Variants in RUBCN observed in about 807,000 individuals in gnomAD.
The protein encoded by RUBCN is run domain Beclin-1-interacting and cysteine-rich domain-containing protein.
Under a neutral mutation model 113.2 loss-of-function variants are expected in RUBCN, and 74 were observed. The observed-to-expected ratio is 0.65, with a 90% confidence interval of 0.54 to 0.79. The LOEUF (loss-of-function observed/expected upper bound fraction) is 0.79. Ranked by LOEUF, RUBCN falls within the 30% of genes least tolerant of loss-of-function variation. The pLI, the probability that RUBCN is intolerant of heterozygous loss-of-function variation, is 0.00. For synonymous variants in RUBCN, 480 were observed against 490.0 expected, an observed-to-expected ratio of 0.98 and a Z score of 0.27; for missense variants, 1,109 against 1,251.7, an observed-to-expected ratio of 0.89 and a Z score of 1.72.
chr3:197,729,445 G>A (rs1263741084), intron 1 of RUBCN, among the ~76,000 whole-genome samples: 1 of 152,042 alleles, frequency 6.6e-6, no homozygotes, highest in Non-Finnish European at 1.5e-5. Context: ...AGTAGAGACG[G>A]GGTTTCACCA....
intron 3 of RUBCN, 87 bp downstream of exon 3, chr3:197,705,005 T>A: frequency 9.5e-7 from 1 of 1,048,598 alleles, no homozygotes; most frequent in Non-Finnish European, 1.5e-6. Context: ...TATTCCCTCC[T>A]TGGAGCCTAG....
chr3:197,698,427 A>T (rs1408805181), intron 7 of RUBCN, among the ~76,000 whole-genome samples: 1 of 152,210 alleles, frequency 6.6e-6, no homozygotes, highest in Non-Finnish European at 1.5e-5. Flanking sequence ...CACAAATCTC[A>T]GTTTGAACAC....
chr3:197,683,286 G>A lies in RUBCN; in HGVS notation c.1980+21C>T, dbSNP rs769009655. 12 of 1,614,166 alleles carry A rather than the reference G, an allele frequency of 7.4e-6. No homozygotes were observed. Among genetic ancestry groups the A allele is most frequent in the Non-Finnish European group, 1.0e-5 (12 of 1,180,008 alleles). On this transcript the variant is annotated intron_variant, in intron 13 of 19. Transcript: ENST00000296343. The surrounding 1 kb of genome is among the most constrained non-coding windows in gnomAD (Gnocchi z 4.6). ...GAGGCTCACGATGGCCCCTGGGTAG[G>A]AAGAAGAGCTAAGGACCTACCTTCT...
chr3:197,701,667 C>G, intron 6 of RUBCN, 41 bp downstream of exon 6: 1 of 1,594,070 alleles, frequency 6.3e-7, no homozygotes, highest in Non-Finnish European at 8.6e-7. Flanking sequence ...CTTTCCAGGG[C>G]TGGGGATAAA....
upstream of RUBCN, among the ~76,000 whole-genome samples, chr3:197,739,711 C>A (rs1003624217): frequency 2.0e-5 from 3 of 151,756 alleles, no homozygotes; most frequent in African/African-American, 7.2e-5. Context: ...GAGGGAGACT[C>A]CGTTTCAAAA....
At chr3:197,733,586 C>G (rs1457609503) in intron 1 of RUBCN, among the ~76,000 whole-genome samples, 2 of 152,138 alleles carry the variant, frequency 1.3e-5, no homozygotes, top group Non-Finnish European at 2.9e-5. Flanking sequence ...TGCAGTAACC[C>G]AGTCACAAAG....
rs998035749 is a variant in RUBCN, at chr3:197,669,441, T to C, written c.*5577A>G. On this transcript the variant is annotated 3_prime_UTR_variant, in exon 20 of 20. Coordinates refer to ENST00000296343, the MANE Select transcript of RUBCN (RefSeq NM_014687.4). ...TGTTTTGTAGAAAGTTCCTCGAATT[T>C]TGCTCCTGTGTTTATGTTGTTTGTT... 1.3e-5 allele frequency among the ~76,000 whole-genome samples: 2 copies of C among 152,210 alleles called. No homozygotes were observed. Among genetic ancestry groups the C allele is most frequent in the Non-Finnish European group, 2.9e-5 (2 of 68,038 alleles).
At position 197,700,845 on chromosome 3, in the gene RUBCN, G is replaced by C; in HGVS notation, c.1029C>G (p.Ser343Arg). The change falls in exon 7 of 20, where the codon AGC becomes AGG. Residue 343 changes from serine (S) to arginine (R), a missense_variant. This residue lies in a region of RUBCN where 736 missense variants were observed against 779.6 expected (regional missense o/e 0.94). Coordinates refer to ENST00000296343, the MANE Select transcript of RUBCN (RefSeq NM_014687.4). ...TGGAACTGCTGCTCTCGGCATTGCT[G>C]CTGTGACTCTGACAGCTGGCAGTCC... is the stretch of plus-strand genomic sequence containing the variant. The part of the protein sequence containing the change: ...RGRTASCQSH[S>R]SNAESSSSNL... The C allele has an allele frequency of 6.2e-7, 1 of 1,614,166 alleles. No individual in the cohort carries two copies.
chr3:197,731,654 G>A (rs1274547741), intron 1 of RUBCN, among the ~76,000 whole-genome samples: 1 of 150,064 alleles, frequency 6.7e-6, no homozygotes, highest in African/African-American at 2.5e-5. Context: ...CGGACGGGGC[G>A]GCTGGCCGGG....
chr3:197,681,495 T>C lies in RUBCN; in HGVS notation c.2192-128A>G, dbSNP rs2108849618. ...TGGCCTCCAGCAACCTCTGTCTGAG[T>C]TCCCCAAAGCTTGCAGAAATCCACA... On this transcript the variant is annotated intron_variant, in intron 15 of 19. Coordinates refer to ENST00000296343, the MANE Select transcript of RUBCN (RefSeq NM_014687.4). This position sits in a 1 kb window ranked among gnomAD's most constrained non-coding sequence, Gnocchi z 5.5. The C allele has an allele frequency of 1.3e-6, 1 of 744,364 alleles. No individual in the cohort carries two copies. The highest frequency in any genetic ancestry group is 2.7e-5 in the East Asian group (1 of 37,706). The allele number at this position is 744,364 out of a possible 1,614,324, so 46.1% of individuals were successfully genotyped here.
chr3:197,712,040 A>G (rs1318325879), intron 2 of RUBCN, among the ~76,000 whole-genome samples: 1 of 152,126 alleles, frequency 6.6e-6, no homozygotes, highest in Non-Finnish European at 1.5e-5. Flanking sequence ...ACATATTCAG[A>G]AAAAAACCAC....
At chr3:197,731,731 C>A (rs941632905) in intron 1 of RUBCN, among the ~76,000 whole-genome samples, 6 of 149,018 alleles carry the variant, frequency 4.0e-5, no homozygotes, top group Non-Finnish European at 7.4e-5. Flanking sequence ...CCGGATGGGG[C>A]GACTGGCCGG....
chr3:197,739,572 T>C (rs1005576429), upstream of RUBCN, among the ~76,000 whole-genome samples: 3 of 151,642 alleles, frequency 2.0e-5, no homozygotes, highest in African/African-American at 7.3e-5. Context: ...GGCGGGCGCC[T>C]GTAGTCCCAG....
rs774485448 is a variant in RUBCN at position 197,704,691 on chromosome 3, A to G, written c.314T>C (p.Val105Ala). 1 of 1,613,912 alleles carries G rather than the reference A, an allele frequency of 6.2e-7. No individual in the cohort carries two copies. The highest frequency in any genetic ancestry group is 8.5e-7 in the Non-Finnish European group (1 of 1,180,000). ...SALHVEKFIS[V>A]HENDQSSADG... The stretch of plus-strand genomic sequence containing the variant: ...AGCACTGCTCTGGTCGTTCTCGTGC[A>G]CGCTGATGAACTGGGAAGCAAAGGG... The change falls in exon 4 of 20, where the codon GTG (valine) becomes GCG (alanine). Residue 105 changes from valine to alanine, a missense_variant. Physicochemically the swap from Val to Ala is moderately conservative, Grantham distance 64. Coordinates refer to ENST00000296343, the MANE Select transcript of RUBCN (RefSeq NM_014687.4).
chr3:197,690,409 G>A (rs1364250428), intron 11 of RUBCN, among the ~76,000 whole-genome samples: 1 of 152,212 alleles, frequency 6.6e-6, no homozygotes, highest in African/African-American at 2.4e-5. Flanking sequence ...TTGCACTCCA[G>A]CATGGGCAAC....
intron 1 of RUBCN, among the ~76,000 whole-genome samples, chr3:197,721,312 T>A (rs1471110645): frequency 6.6e-6 from 1 of 152,194 alleles, no homozygotes; most frequent in Non-Finnish European, 1.5e-5. Context: ...GTCCAGGTTT[T>A]CTGTTTTGTC....
At position 197,674,930 on chromosome 3, in the gene RUBCN, A is replaced by C; in HGVS notation, c.*88T>G. The C allele has an allele frequency of 1.9e-6, 2 of 1,043,784 alleles. No homozygotes were observed. Among genetic ancestry groups the C allele is most frequent in the Non-Finnish European group, 1.3e-6 (1 of 743,516 alleles). 64.7% of individuals were successfully genotyped at this position (1,043,784 alleles called of 1,614,324 possible). On this transcript the variant is annotated 3_prime_UTR_variant, in exon 20 of 20. Transcript: ENST00000296343. ...AATTAAAAAAAAAAAAAAAAAAAGA[A>C]GCCCCAGGTGGGGCGAGTCCTTCAA...
At chr3:197,732,933 A>G (rs914023245) in intron 1 of RUBCN, among the ~76,000 whole-genome samples, 6 of 152,180 alleles carry the variant, frequency 3.9e-5, no homozygotes, top group Non-Finnish European at 2.9e-5. Flanking sequence ...CATTTTTCCT[A>G]CTTCCTACGT....
At position 197,683,999 on chromosome 3, in the gene RUBCN, C is replaced by T. The variant is rs918970639; in HGVS notation, c.1847+158G>A. On this transcript the variant is annotated intron_variant, in intron 12 of 19. Transcript: ENST00000296343. The surrounding 1 kb of genome is among the most constrained non-coding windows in gnomAD (Gnocchi z 4.6). ...ACTGGGACCAAAGAGCTTCTGCTTTCTTCCCGTGGGCTCGGCACCATCAGC... is the reference window on the plus strand; with the variant it reads ...ACTGGGACCAAAGAGCTTCTGCTTTTTTCCCGTGGGCTCGGCACCATCAGC... 6.6e-6 allele frequency among the ~76,000 whole-genome samples: 1 copy of T among 152,230 alleles called. No homozygotes were observed. Among genetic ancestry groups the T allele is most frequent in the African/African-American group, 2.4e-5 (1 of 41,452 alleles).
Sources: allele counts gnomAD v4.1 joint callset (sites outside exome capture counted in the v4.1 genomes callset), GRCh38; gene constraint gnomAD v4.1.1; regional missense constraint gnomAD v4.1.1; non-coding constraint Gnocchi (gnomAD v3.1); transcripts MANE v1.5; gene names NCBI Gene and HGNC (gene_info 2026-07-23, HGNC 2026-07-21).